KCTD8: variants seen among roughly 807,000 people sequenced by gnomAD.
KCTD8 encodes BTB/POZ domain-containing protein KCTD8.
Under a neutral mutation model 31.5 loss-of-function variants are expected in KCTD8, and 27 were observed. The observed-to-expected ratio is 0.86, with a 90% confidence interval of 0.63 to 1.18. The LOEUF is 1.18. Among genes scored for constraint, KCTD8 ranks in the 50% most tolerant of loss-of-function variants. The pLI, the probability that KCTD8 is intolerant of heterozygous loss-of-function variation, is 0.00. For missense variants in KCTD8, 658 were observed against 647.7 expected (o/e 1.02, Z -0.17); for synonymous variants, 290 against 280.0 (o/e 1.04, Z -0.36).
intron 1 of KCTD8, among the ~76,000 whole-genome samples, chr4:44,315,574 T>C (rs1718083150): frequency 6.6e-6 from 1 of 152,100 alleles, no homozygotes; most frequent in Admixed American, 6.5e-5. Flanking sequence ...TATTGTCTCA[T>C]ATTTTGGAGT....
At chr4:44,206,867 T>C (rs1714328082) in intron 1 of KCTD8, among the ~76,000 whole-genome samples, 1 of 152,228 alleles carries the variant, frequency 6.6e-6, no homozygotes, top group Non-Finnish European at 1.5e-5. Context: ...ACATAAGGTA[T>C]GCTATGCAGG....
At position 44,278,971 on chromosome 4, in the gene KCTD8, C is replaced by T. The variant is rs926583343; in HGVS notation, c.962-103721G>A. 4.6e-5 allele frequency among the ~76,000 whole-genome samples: 7 copies of T among 152,000 alleles called. No homozygotes were observed. In the East Asian group the frequency reaches 5.8e-4, roughly 13 times the overall value. The stretch of plus-strand genomic sequence containing the variant: ...TAAATTGGGGAAGGCTTTTCTCTTA[C>T]GGTCTGTTAGGAGAGGCACTTAGTG... On this transcript the variant is annotated intron_variant, in intron 1 of 1. Transcript: ENST00000360029.
chr4:44,425,454 T>G (rs982447502), intron 1 of KCTD8, among the ~76,000 whole-genome samples: 1 of 152,048 alleles, frequency 6.6e-6, no homozygotes, highest in African/African-American at 2.4e-5. Flanking sequence ...AATAAGGAGA[T>G]ATTTCATTTT....
At chr4:44,361,729 T>G (rs1220315801) in intron 1 of KCTD8, among the ~76,000 whole-genome samples, 1 of 152,090 alleles carries the variant, frequency 6.6e-6, no homozygotes, top group Non-Finnish European at 1.5e-5. Context: ...CTATGAGAGG[T>G]AATCTTGAAA....
At chr4:44,370,744 T>G (rs561840589) in intron 1 of KCTD8, among the ~76,000 whole-genome samples, 18 of 152,288 alleles carry the variant, frequency 1.2e-4, no homozygotes, top group African/African-American at 4.3e-4. Flanking sequence ...TGAGTTACAC[T>G]GCTAAGTCTA....
At chr4:44,352,182 C>T (rs896549743) in intron 1 of KCTD8, among the ~76,000 whole-genome samples, 2 of 151,920 alleles carry the variant, frequency 1.3e-5, no homozygotes, top group Non-Finnish European at 2.9e-5. Context: ...GCCATATGGG[C>T]CAGACTTTTG....
intron 1 of KCTD8, among the ~76,000 whole-genome samples, chr4:44,390,321 G>A (rs1720340543): frequency 6.6e-6 from 1 of 151,824 alleles, no homozygotes; most frequent in Non-Finnish European, 1.5e-5. Context: ...TATAAGGTGA[G>A]AGATGAGGAT....
At chr4:44,257,760 C>G (rs1716030879) in intron 1 of KCTD8, among the ~76,000 whole-genome samples, 1 of 151,944 alleles carries the variant, frequency 6.6e-6, no homozygotes, top group African/African-American at 2.4e-5. Flanking sequence ...AGCCATAGTT[C>G]AACTTTTAAA....
At chr4:44,313,673 G>C (rs983787394) in intron 1 of KCTD8, among the ~76,000 whole-genome samples, 2 of 152,102 alleles carry the variant, frequency 1.3e-5, no homozygotes, top group Non-Finnish European at 2.9e-5. Flanking sequence ...CAAAACTATT[G>C]AGTATCTACA....
intron 1 of KCTD8, among the ~76,000 whole-genome samples, chr4:44,391,422 A>C (rs1338458425): frequency 6.6e-6 from 1 of 151,834 alleles, no homozygotes; most frequent in Non-Finnish European, 1.5e-5. Flanking sequence ...CAGCAAGACA[A>C]ACCCCTTCTC....
At chr4:44,435,436 A>G (rs1225993131) in intron 1 of KCTD8, among the ~76,000 whole-genome samples, 1 of 151,964 alleles carries the variant, frequency 6.6e-6, no homozygotes, top group East Asian at 1.9e-4. Context: ...CTCTAATATG[A>G]CCATTTCAAA....
At chr4:44,303,278 A>C (rs1211433031) in intron 1 of KCTD8, among the ~76,000 whole-genome samples, 1 of 152,220 alleles carries the variant, frequency 6.6e-6, no homozygotes, top group Admixed American at 6.5e-5. Flanking sequence ...TGATTGGAAT[A>C]GTTTCAGAAG....
intron 1 of KCTD8, among the ~76,000 whole-genome samples, chr4:44,396,747 C>A (rs1369351267): frequency 6.6e-6 from 1 of 152,060 alleles, no homozygotes; most frequent in Non-Finnish European, 1.5e-5. Flanking sequence ...AAGAGAACCA[C>A]CTTCTTAGTG....
At chr4:44,181,590 T>C (rs1457460713) in intron 1 of KCTD8, among the ~76,000 whole-genome samples, 3 of 152,142 alleles carry the variant, frequency 2.0e-5, no homozygotes, top group East Asian at 1.9e-4. Flanking sequence ...TGATCTCGGC[T>C]AGCTACAACC....
At chr4:44,369,674 G>C (rs1719733333) in intron 1 of KCTD8, among the ~76,000 whole-genome samples, 1 of 152,176 alleles carries the variant, frequency 6.6e-6, no homozygotes, top group Non-Finnish European at 1.5e-5. Flanking sequence ...GCACATGCTT[G>C]CAGACCCAGC....
chr4:44,437,342 C>T (rs886612294), intron 1 of KCTD8, among the ~76,000 whole-genome samples: 5 of 152,076 alleles, frequency 3.3e-5, no homozygotes, highest in East Asian at 1.9e-4. Flanking sequence ...CAAATGTCAT[C>T]GTCCCAGTCA....
intron 1 of KCTD8, among the ~76,000 whole-genome samples, chr4:44,267,942 A>G (rs1046349830): frequency 1.3e-5 from 2 of 152,242 alleles, no homozygotes; most frequent in African/African-American, 2.4e-5. Context: ...AGATGGATTC[A>G]CAGCAGAATT....
intron 1 of KCTD8, among the ~76,000 whole-genome samples, chr4:44,186,514 A>G (rs1274775742): frequency 2.0e-5 from 3 of 152,138 alleles, no homozygotes; most frequent in African/African-American, 7.2e-5. Context: ...TGATTAACAC[A>G]TGCCGCCTAC....
chr4:44,225,153 AG>A (rs1714919653), intron 1 of KCTD8, among the ~76,000 whole-genome samples: 1 of 152,238 alleles, frequency 6.6e-6, no homozygotes, highest in Non-Finnish European at 1.5e-5. Flanking sequence ...TAATCAGATA[AG>A]CTCTATCCCA....
Sources: allele counts gnomAD v4.1 joint callset (sites outside exome capture counted in the v4.1 genomes callset), GRCh38; gene constraint gnomAD v4.1.1; transcripts MANE v1.5; gene names NCBI Gene and HGNC (gene_info 2026-07-23, HGNC 2026-07-21).